Variants in ROBO1 observed in about 807,000 individuals in gnomAD.
ROBO1 encodes roundabout homolog 1.
In ROBO1, 149 loss-of-function variants were observed where a neutral mutation model predicts 195.9. The observed-to-expected ratio is 0.76, with a 90% CI of 0.67 to 0.87. The LOEUF is 0.87. Among genes scored for constraint, ROBO1 ranks in the 40% least tolerant of loss-of-function variants. The pLI is 0.00. For missense variants in ROBO1, 1,933 were observed against 2,068.3 expected, an observed-to-expected ratio of 0.93 and a Z score of 1.27; for synonymous variants, 816 against 733.2, an observed-to-expected ratio of 1.11 and a Z score of -1.82.
intron 2 of ROBO1, among the ~76,000 whole-genome samples, chr3:79,348,826 G>A (rs542781725): frequency 6.6e-6 from 1 of 152,228 alleles, no homozygotes; most frequent in African/African-American, 2.4e-5. Flanking sequence ...TATTTCAAAA[G>A]GGACAGAACA....
chr3:79,260,966 G>A (rs1246146911), intron 2 of ROBO1, among the ~76,000 whole-genome samples: 2 of 151,932 alleles, frequency 1.3e-5, no homozygotes, highest in African/African-American at 4.8e-5. Context: ...GAAAACAAAA[G>A]AAACCACAGA....
At chr3:79,501,446 G>A (rs1559945363) in intron 2 of ROBO1, among the ~76,000 whole-genome samples, 2 of 152,162 alleles carry the variant, frequency 1.3e-5, no homozygotes, top group Non-Finnish European at 2.9e-5. Context: ...AAATGCAAAT[G>A]TGATTCCATG....
chr3:78,958,027 G>T (rs1169359191), intron 3 of ROBO1, among the ~76,000 whole-genome samples: 1 of 152,120 alleles, frequency 6.6e-6, no homozygotes, highest in African/African-American at 2.4e-5. Context: ...AGACCGAGAT[G>T]CAGCATAAGG....
chr3:79,330,526 G>A (rs2034398952), intron 2 of ROBO1, among the ~76,000 whole-genome samples: 1 of 151,194 alleles, frequency 6.6e-6, no homozygotes, highest in Admixed American at 6.6e-5. Context: ...TTGTATAATT[G>A]TATTACAAAT....
intron 1 of ROBO1, among the ~76,000 whole-genome samples, chr3:79,766,423 G>A (rs964634416): frequency 2.0e-5 from 3 of 151,612 alleles, no homozygotes; most frequent in Admixed American, 1.3e-4. Flanking sequence ...TTAGCATTCC[G>A]TCTCCCCCAC....
intron 1 of ROBO1, among the ~76,000 whole-genome samples, chr3:79,722,348 T>G (rs1702743842): frequency 6.6e-6 from 1 of 152,222 alleles, no homozygotes; most frequent in South Asian, 2.1e-4. Context: ...CCAGCTATCA[T>G]TTTATTGTGT....
intron 26 of ROBO1, among the ~76,000 whole-genome samples, chr3:78,618,251 C>G (rs1249114433): frequency 1.3e-5 from 2 of 152,166 alleles, no homozygotes; most frequent in Non-Finnish European, 2.9e-5. Context: ...GGGTTACTTT[C>G]TGATTCAAGT....
chr3:79,519,412 C>T (rs1314694236), intron 2 of ROBO1, among the ~76,000 whole-genome samples: 10 of 151,836 alleles, frequency 6.6e-5, no homozygotes, highest in African/African-American at 1.2e-4. Context: ...GGGTGGATCA[C>T]GAGGTCAGGA....
chr3:79,047,108 C>A (rs2078609156), intron 3 of ROBO1, among the ~76,000 whole-genome samples: 1 of 152,002 alleles, frequency 6.6e-6, no homozygotes, highest in Non-Finnish European at 1.5e-5. Flanking sequence ...ACTTAGAAAT[C>A]TGGACGTTGA....
At chr3:79,068,874 T>C (rs2079043710) in intron 3 of ROBO1, among the ~76,000 whole-genome samples, 1 of 151,936 alleles carries the variant, frequency 6.6e-6, no homozygotes, top group South Asian at 2.1e-4. Context: ...GTACTAACAA[T>C]ATCAGCTCCA....
At chr3:79,078,545 G>A (rs1043251559) in intron 3 of ROBO1, among the ~76,000 whole-genome samples, 5 of 151,712 alleles carry the variant, frequency 3.3e-5, no homozygotes, top group African/African-American at 1.2e-4. Context: ...GAGGGTGATG[G>A]GATGTCCCAT....
intron 1 of ROBO1, among the ~76,000 whole-genome samples, chr3:79,714,779 A>G (rs1702416147): frequency 6.7e-6 from 1 of 148,436 alleles, no homozygotes; most frequent in African/African-American, 2.5e-5. Context: ...GTTCTCACTC[A>G]TAGGTGGGAA....
At chr3:79,407,864 G>T (rs1575783639) in intron 2 of ROBO1, among the ~76,000 whole-genome samples, 1 of 152,078 alleles carries the variant, frequency 6.6e-6, no homozygotes, top group East Asian at 1.9e-4. Context: ...GTATAGTGAA[G>T]TTACTGTACT....
At chr3:78,675,921 C>T (rs1382817620) in intron 10 of ROBO1, among the ~76,000 whole-genome samples, 1 of 152,076 alleles carries the variant, frequency 6.6e-6, no homozygotes, top group Non-Finnish European at 1.5e-5. Flanking sequence ...CTGGGAGGCA[C>T]CCCCAAGTAG....
intron 3 of ROBO1, among the ~76,000 whole-genome samples, chr3:79,091,497 T>C (rs181060994): frequency 7.4e-4 from 113 of 152,224 alleles, no homozygotes; most frequent in African/African-American, 2.6e-3. Context: ...GTAGTAAATG[T>C]TCCAGACAAT....
chr3:79,169,972 A>G (rs2081137553), intron 2 of ROBO1, among the ~76,000 whole-genome samples: 1 of 152,210 alleles, frequency 6.6e-6, no homozygotes, highest in Admixed American at 6.5e-5. Flanking sequence ...AAATGTAAAT[A>G]CATGTTTAGG....
At chr3:79,359,168 T>C (rs766016734) in intron 2 of ROBO1, among the ~76,000 whole-genome samples, 1 of 152,074 alleles carries the variant, frequency 6.6e-6, no homozygotes, top group Admixed American at 6.6e-5. Flanking sequence ...ACTAGATTAA[T>C]TTTCTAGCAA....
chr3:79,486,209 TTTTA>T (rs1443409482), intron 2 of ROBO1, among the ~76,000 whole-genome samples: 4 of 152,000 alleles, frequency 2.6e-5, no homozygotes, highest in Non-Finnish European at 5.9e-5. Context: ...TATAATTACA[TTTTA>T]TTTTTTATTT....
intron 2 of ROBO1, among the ~76,000 whole-genome samples, chr3:79,425,581 A>T (rs2038412428): frequency 1.3e-5 from 2 of 152,078 alleles, no homozygotes; most frequent in Non-Finnish European, 2.9e-5. Context: ...GACACAAAAA[A>T]CCCAAGGCAA....
Sources: allele counts gnomAD v4.1 joint callset (sites outside exome capture counted in the v4.1 genomes callset), GRCh38; gene constraint gnomAD v4.1.1; transcripts MANE v1.5; gene names NCBI Gene and HGNC (gene_info 2026-07-23, HGNC 2026-07-21).